The following EVL variants were observed in gnomAD, a reference collection of about 807,000 sequenced individuals.
EVL encodes the protein ena/VASP-like protein.
Under a neutral mutation model 59.6 loss-of-function variants are expected in EVL, and 21 were observed. The observed-to-expected ratio is 0.35, with a 90% confidence interval of 0.25 to 0.51. The LOEUF (loss-of-function observed/expected upper bound fraction) is 0.51, where lower values mean the gene tolerates loss of function less well. Ranked by LOEUF, EVL falls within the 20% of genes least tolerant of loss-of-function variation. EVL has a pLI of 0.97. For synonymous variants in EVL, 198 were observed against 203.5 expected (o/e 0.97, Z 0.23); for missense variants, 462 against 546.6 (o/e 0.85, Z 1.54).
intron 11 of EVL, chr14:100,138,535 TCA>T (rs946332610): frequency 1.3e-5 from 2 of 152,878 alleles, no homozygotes; most frequent in Non-Finnish European, 2.9e-5. Flanking sequence ...ACCACCCTTA[TCA>T]CAGAGCAGGA....
At chr14:100,028,140 T>TGTTTTG (rs202176816) in intron 1 of EVL, among the ~76,000 whole-genome samples, 2 of 149,112 alleles carry the variant, frequency 1.3e-5, no homozygotes, top group East Asian at 4.0e-4. Context: ...GTTTGTTTTT[T>TGTTTTG]TTTTTTTTTT....
At chr14:99,980,896 G>A (rs2060801595) in intron 1 of EVL, among the ~76,000 whole-genome samples, 2 of 151,910 alleles carry the variant, frequency 1.3e-5, no homozygotes, top group Non-Finnish European at 2.9e-5. Flanking sequence ...TTTGTTTTTT[G>A]CTTATCTAGT....
At chr14:100,121,463 G>A (rs1359534263) in intron 3 of EVL, among the ~76,000 whole-genome samples, 2 of 152,168 alleles carry the variant, frequency 1.3e-5, no homozygotes, top group African/African-American at 4.8e-5. Context: ...TAATGTTCAG[G>A]GCCATGGTGG....
At chr14:100,000,677 G>A (rs181057554) in intron 1 of EVL, among the ~76,000 whole-genome samples, 74 of 152,236 alleles carry the variant, frequency 4.9e-4, no homozygotes, top group African/African-American at 1.5e-3. Flanking sequence ...CAAAGGAGGC[G>A]ATCAGGTATG....
chr14:100,062,214 A>G (rs541946910), upstream of EVL, among the ~76,000 whole-genome samples: 2 of 23,130 alleles, frequency 8.6e-5, no homozygotes, highest in South Asian at 2.4e-3. Context: ...GTGTATATAT[A>G]TATATATGTA....
chr14:99,977,260 C>T (rs976523652), intron 1 of EVL: 1 of 152,136 alleles, frequency 6.6e-6, no homozygotes, highest in Non-Finnish European at 1.5e-5. Flanking sequence ...AGCAGTTTAG[C>T]TCAGGTCATT....
chr14:100,053,922 C>T (rs1215327646), intron 1 of EVL, among the ~76,000 whole-genome samples: 4 of 151,984 alleles, frequency 2.6e-5, no homozygotes, highest in Non-Finnish European at 5.9e-5. Flanking sequence ...GTTGAGAATA[C>T]AGGCGTGAGC....
intron 1 of EVL, among the ~76,000 whole-genome samples, chr14:100,006,811 C>CAAA (rs56007744): frequency 0.18 from 23,071 of 127,596 alleles, 2,144 homozygotes; most frequent in African/African-American, 0.25. Context: ...AGTAAAACAT[C>CAAA]AAAAAAAAAA....
At chr14:100,007,444 G>A (rs1036669765) in intron 1 of EVL, among the ~76,000 whole-genome samples, 1 of 152,130 alleles carries the variant, frequency 6.6e-6, no homozygotes, top group Non-Finnish European at 1.5e-5. Context: ...AGTGATTTGG[G>A]GGCCCCAAGA....
intron 3 of EVL, among the ~76,000 whole-genome samples, chr14:100,113,219 C>T (rs955834894): frequency 1.3e-5 from 2 of 151,920 alleles, no homozygotes; most frequent in African/African-American, 4.8e-5. Context: ...TGGATGCATG[C>T]GGGAGAAGAG....
chr14:100,125,759 T>A (rs547664727), intron 4 of EVL, among the ~76,000 whole-genome samples: 5 of 152,204 alleles, frequency 3.3e-5, no homozygotes, highest in African/African-American at 1.2e-4. Flanking sequence ...TTTCACCATG[T>A]TGGTCAGGCT....
intron 1 of EVL, among the ~76,000 whole-genome samples, chr14:99,982,588 G>C (rs1011079002): frequency 2.0e-5 from 3 of 152,012 alleles, no homozygotes; most frequent in African/African-American, 7.2e-5. Context: ...GAGAGCGGGG[G>C]GAAAAAATAC....
At chr14:99,971,548 C>T (rs2060731619) in exon 1 of EVL, 2 of 151,806 alleles carry the variant, frequency 1.3e-5, no homozygotes, top group Non-Finnish European at 2.9e-5. Context: ...GCAGTCCCCT[C>T]GGAGGGCGGT....
intron 9 of EVL, 114 bp downstream of exon 9, chr14:100,136,082 C>A: frequency 8.2e-7 from 1 of 1,214,312 alleles, no homozygotes; most frequent in Non-Finnish European, 1.2e-6. Context: ...GAGCAGAGGG[C>A]CAGGCCACAG....
intron 7 of EVL, 135 bp downstream of exon 7, chr14:100,129,819 TA>T: frequency 7.6e-6 from 10 of 1,312,038 alleles, no homozygotes; most frequent in Non-Finnish European, 1.0e-5. Flanking sequence ...GGGAAACTGT[TA>T]CTTAAGTTTT....
In EVL at chr14:100,109,505, C is replaced by T. The variant is rs1262359333; in HGVS notation, c.358+11847C>T. ...CGGGAGCCCTGAAGAGAGACTGACA[C>T]ATCAGAGGTGTCTGGTGACTGAACA... On this transcript the variant is annotated intron_variant, in intron 3 of 13. Coordinates refer to ENST00000392920, the MANE Select transcript of EVL (RefSeq NM_016337.3). This position sits in a 1 kb window ranked among gnomAD's most constrained non-coding sequence, Gnocchi z 4.3. 2 of 458,160 alleles carry T rather than the reference C, an allele frequency of 4.4e-6. No homozygotes were observed. The highest frequency in any genetic ancestry group is 4.5e-6 in the Non-Finnish European group (1 of 221,488). 28.4% of individuals were successfully genotyped at this position (458,160 alleles called of 1,614,324 possible). A position where few individuals can be genotyped will look rare whatever the true frequency, so the allele number is the denominator to read the frequency against.
In EVL at chr14:100,143,916, G is replaced by A; in HGVS notation, c.*178G>A. ...GTGAGGAAACCAAGTGCAACTCCTG[G>A]GTTTTTTTAGATTCTGCCTGACACG... is the stretch of plus-strand genomic sequence containing the variant. On this transcript the variant is annotated 3_prime_UTR_variant, in exon 14 of 14. Coordinates refer to ENST00000392920, the MANE Select transcript of EVL (RefSeq NM_016337.3). 1 of 655,762 alleles carries A rather than the reference G, an allele frequency of 1.5e-6. No homozygotes were observed. Among genetic ancestry groups the A allele is most frequent in the Non-Finnish European group, 2.5e-6 (1 of 392,678 alleles). 40.6% of individuals were successfully genotyped at this position (655,762 alleles called of 1,614,324 possible).
intron 1 of EVL, among the ~76,000 whole-genome samples, chr14:99,996,802 C>G (rs2060917105): frequency 6.6e-6 from 1 of 152,146 alleles, no homozygotes; most frequent in South Asian, 2.1e-4. Flanking sequence ...TAGGCACATG[C>G]CACCGTGTCT....
chr14:100,057,457 T>C (rs2061752424), intron 1 of EVL, among the ~76,000 whole-genome samples: 5 of 152,190 alleles, frequency 3.3e-5, no homozygotes, highest in African/African-American at 9.7e-5. Flanking sequence ...AAACATTTTC[T>C]GAGGACAAGT....
Sources: gnomAD v4.1 joint callset for allele counts (sites outside exome capture counted in the v4.1 genomes callset) on GRCh38, gnomAD v4.1.1 for gene constraint, Gnocchi (gnomAD v3.1) non-coding constraint, MANE v1.5 for transcripts, NCBI Gene and HGNC (gene_info 2026-07-23, HGNC 2026-07-21) for gene names.